The following C14orf39 variants were observed in gnomAD, a reference collection of about 807,000 sequenced individuals.
The protein encoded by C14orf39 is chromosome 14 open reading frame 39.
C14orf39 carries 66 observed loss-of-function variants against 85.6 expected under a neutral mutation model. The ratio of observed to expected loss-of-function variants is 0.77; its 90% CI spans 0.63 to 0.95. C14orf39 has a LOEUF of 0.95. Ranked by LOEUF, C14orf39 falls within the 40% of genes least tolerant of loss-of-function variation. C14orf39 has a pLI of 0.00. For missense variants in C14orf39, 735 were observed against 663.9 expected, an observed-to-expected ratio of 1.11 and a Z score of -1.18; for synonymous variants, 242 against 214.0, an observed-to-expected ratio of 1.13 and a Z score of -1.14.
intron 17 of C14orf39, among the ~76,000 whole-genome samples, chr14:60,439,746 A>C (rs1890419207): frequency 6.6e-6 from 1 of 152,212 alleles, no homozygotes; most frequent in Admixed American, 6.5e-5. Context: ...AAAACACTGA[A>C]GTGAATGAGT....
chr14:60,495,789 C>T (rs973547423), intron 2 of C14orf39: 1 of 250,978 alleles, frequency 4.0e-6, no homozygotes, highest in East Asian at 9.7e-5. Flanking sequence ...TGCTTGTAGA[C>T]GATGGTTTTG....
intron 1 of C14orf39, chr14:60,510,007 G>C (rs750494627): frequency 1.3e-6 from 2 of 1,553,190 alleles, no homozygotes; most frequent in East Asian, 2.4e-5. Flanking sequence ...TGAGCGCACC[G>C]GGGAGGAGGC....
At chr14:60,492,029 A>T (rs1479639633) in intron 2 of C14orf39, among the ~76,000 whole-genome samples, 1 of 152,224 alleles carries the variant, frequency 6.6e-6, no homozygotes. Context: ...TGAGAAAGCC[A>T]CTTGGGTGTT....
chr14:60,460,754 A>G (rs1891485590), intron 13 of C14orf39, among the ~76,000 whole-genome samples: 1 of 151,854 alleles, frequency 6.6e-6, no homozygotes, highest in Admixed American at 6.6e-5. Flanking sequence ...GAAAAGCTAG[A>G]TGACTTGGGG....
intron 4 of C14orf39, among the ~76,000 whole-genome samples, 180 bp downstream of exon 4, chr14:60,483,511 T>A (rs951860784): frequency 2.6e-5 from 4 of 152,188 alleles, no homozygotes; most frequent in African/African-American, 9.6e-5. Flanking sequence ...TTATAGCTGT[T>A]TAGTTCTATT....
upstream of C14orf39, among the ~76,000 whole-genome samples, chr14:60,488,543 A>T (rs1369934912): frequency 1.3e-5 from 2 of 152,170 alleles, no homozygotes; most frequent in Non-Finnish European, 2.9e-5. Context: ...AATTTTCCTT[A>T]TCTATTATTG....
intron 11 of C14orf39, among the ~76,000 whole-genome samples, chr14:60,463,649 C>A (rs1891642981): frequency 6.6e-6 from 1 of 152,090 alleles, no homozygotes; most frequent in Admixed American, 6.6e-5. Context: ...GACATATGGA[C>A]ATACAGATCC....
rs780400302 is a variant in C14orf39, at chr14:60,483,647, TAAATA to T, written c.233+39_233+43del. 9.1e-6 allele frequency: 14 copies of T among 1,535,122 alleles called. No individual in the cohort carries two copies. In the African/African-American group the frequency reaches 2.0e-4, roughly 21 times the overall value. On this transcript the variant is annotated intron_variant, in intron 4 of 17. Coordinates refer to ENST00000321731, the MANE Select transcript of C14orf39 (RefSeq NM_174978.3). Reference sequence around the variant, plus strand: ...TCTTCAACTGTAAACTCAAAAACCCTAAATAAAAGAATGCAATGAAAATTGATTCT... The same window carrying T: ...TCTTCAACTGTAAACTCAAAAACCCTAAAGAATGCAATGAAAATTGATTCT...
chr14:60,439,643 A>T (rs1383992157), intron 17 of C14orf39, among the ~76,000 whole-genome samples: 1 of 152,184 alleles, frequency 6.6e-6, no homozygotes, highest in East Asian at 1.9e-4. Flanking sequence ...GTCTAAAGAG[A>T]TTTAAACTGT....
intron 7 of C14orf39, among the ~76,000 whole-genome samples, chr14:60,471,069 G>T (rs2140121034): frequency 6.6e-6 from 1 of 151,958 alleles, no homozygotes; most frequent in East Asian, 1.9e-4. Context: ...ATGAATAAAT[G>T]TAACTCACCT....
intron 17 of C14orf39, among the ~76,000 whole-genome samples, chr14:60,437,758 T>C (rs1890326252): frequency 6.6e-6 from 1 of 152,012 alleles, no homozygotes; most frequent in African/African-American, 2.4e-5. Context: ...AAGTTAAACT[T>C]ATTCAACTAT....
intron 15 of C14orf39, 66 bp downstream of exon 15, chr14:60,456,851 C>T: frequency 7.4e-7 from 1 of 1,351,286 alleles, no homozygotes; most frequent in Non-Finnish European, 1.0e-6. Context: ...TTTTACTATT[C>T]CTATCAGTTA....
chr14:60,479,875 T>C (rs1179429636), intron 4 of C14orf39, among the ~76,000 whole-genome samples: 1 of 152,180 alleles, frequency 6.6e-6, no homozygotes, highest in Non-Finnish European at 1.5e-5. Flanking sequence ...AGTTCCCTAA[T>C]GCTGAACATT....
chr14:60,507,327 C>A (rs989148268), intron 1 of C14orf39, among the ~76,000 whole-genome samples: 8 of 152,194 alleles, frequency 5.3e-5, no homozygotes, highest in African/African-American at 1.9e-4. Context: ...ACCGCGGATT[C>A]TCCTCCGCCT....
In C14orf39 at chr14:60,484,591, CTTG is replaced by C. The variant is rs1186858982; in HGVS notation, c.106+287_106+289del. On this transcript the variant is annotated intron_variant, in intron 3 of 17. Coordinates refer to ENST00000321731, the MANE Select transcript of C14orf39 (RefSeq NM_174978.3). This position sits in a 1 kb window ranked among gnomAD's most constrained non-coding sequence, Gnocchi z 4.2. ...AATTTCACTCAACTATTTGAAATAACTTGTTATTAGAGAAAAATAACATCTTTT... is the reference window on the plus strand; with the variant it reads ...AATTTCACTCAACTATTTGAAATAACTTATTAGAGAAAAATAACATCTTTT... Among the ~76,000 whole-genome samples the C allele has an allele frequency of 1.3e-5, 2 of 152,118 alleles. No individual in the cohort carries two copies. The highest frequency in any genetic ancestry group is 2.9e-5 in the Non-Finnish European group (2 of 68,006).
chr14:60,479,831 T>C (rs941010697), intron 4 of C14orf39, among the ~76,000 whole-genome samples: 43 of 152,180 alleles, frequency 2.8e-4, no homozygotes, highest in Admixed American at 2.7e-3. Flanking sequence ...TGCCTAATGT[T>C]CATTCATATG....
chr14:60,501,437 G>A (rs1566688955), intron 1 of C14orf39, among the ~76,000 whole-genome samples: 1 of 151,986 alleles, frequency 6.6e-6, no homozygotes, highest in Non-Finnish European at 1.5e-5. Context: ...GAGAGATGCA[G>A]CCACAAAACA....
At chr14:60,512,097 T>C (rs548913467) in intron 1 of C14orf39, 98 of 152,312 alleles carry the variant, frequency 6.4e-4, no homozygotes, top group African/African-American at 2.4e-3. Flanking sequence ...AGGCTAGAAA[T>C]TGGCAACATG....
At chr14:60,450,084 C>T (rs1890963302) in intron 16 of C14orf39, among the ~76,000 whole-genome samples, 2 of 152,156 alleles carry the variant, frequency 1.3e-5, no homozygotes, top group Non-Finnish European at 2.9e-5. Context: ...TCAGTTGTGA[C>T]CCAGCACATT....
Sources: gnomAD v4.1 joint callset for allele counts (sites outside exome capture counted in the v4.1 genomes callset) on GRCh38, gnomAD v4.1.1 for gene constraint, Gnocchi (gnomAD v3.1) non-coding constraint, MANE v1.5 for transcripts, NCBI Gene and HGNC (gene_info 2026-07-23, HGNC 2026-07-21) for gene names.